KIF13A: variants seen among roughly 807,000 people sequenced by gnomAD.
KIF13A encodes kinesin-like protein KIF13A.
In KIF13A, 79 loss-of-function variants were observed where a neutral mutation model predicts 212.2. The observed-to-expected ratio is 0.37, with a 90% CI of 0.31 to 0.45. KIF13A has a LOEUF of 0.45. Among genes scored for constraint, KIF13A ranks in the 20% least tolerant of loss-of-function variants. The pLI is 1.00. For missense variants in KIF13A, 1,901 were observed against 2,209.0 expected, an observed-to-expected ratio of 0.86 and a Z score of 2.79; for synonymous variants, 789 against 808.6, an observed-to-expected ratio of 0.98 and a Z score of 0.41.
intron 3 of KIF13A, among the ~76,000 whole-genome samples, chr6:17,874,298 T>G (rs1317807723): frequency 1.3e-5 from 2 of 149,220 alleles, no homozygotes; most frequent in Admixed American, 6.7e-5. Flanking sequence ...TTGGTGGTGG[T>G]GGGGGGGGTT....
At chr6:17,925,665 T>C (rs1455695430) in intron 2 of KIF13A, among the ~76,000 whole-genome samples, 1 of 152,180 alleles carries the variant, frequency 6.6e-6, no homozygotes, top group South Asian at 2.1e-4. Context: ...TAATCAACAG[T>C]ATGTGCTTCA....
Position 17,785,754 on chromosome 6 carries a change from A to G in KIF13A, c.3362-113T>C, listed in dbSNP as rs1761006269. The G allele has an allele frequency of 8.9e-7, 1 of 1,118,752 alleles. No individual in the cohort carries two copies. The highest frequency in any genetic ancestry group is 2.3e-5 in the Admixed American group (1 of 42,952). 69.3% of individuals were successfully genotyped at this position (1,118,752 alleles called of 1,614,324 possible). ...ATAGTGAGACCCCATCTCTACCAAA[A>G]AAAAAAAAATAGTTGGGCAGGGTGG... On this transcript the variant is annotated intron_variant, in intron 27 of 38. Coordinates refer to ENST00000259711, the MANE Select transcript of KIF13A (RefSeq NM_022113.6). The surrounding 1 kb of genome is among the most constrained non-coding windows in gnomAD (Gnocchi z 5.8).
intron 3 of KIF13A, among the ~76,000 whole-genome samples, chr6:17,882,983 T>C (rs1014740437): frequency 1.3e-5 from 2 of 152,258 alleles, no homozygotes; most frequent in African/African-American, 2.4e-5. Context: ...CCCTTTGTTC[T>C]GCTACAATAT....
chr6:17,788,394 A>G (rs1387942641), intron 26 of KIF13A, among the ~76,000 whole-genome samples: 2 of 152,178 alleles, frequency 1.3e-5, no homozygotes, highest in African/African-American at 4.8e-5. Context: ...TCCAACCACC[A>G]CGAGGCTAAG....
intron 2 of KIF13A, among the ~76,000 whole-genome samples, chr6:17,906,556 C>A (rs956890493): frequency 6.6e-6 from 1 of 151,470 alleles, no homozygotes; most frequent in Admixed American, 6.6e-5. Context: ...TCAAGAGATC[C>A]TCCCATCTCA....
intron 2 of KIF13A, among the ~76,000 whole-genome samples, chr6:17,978,237 CAA>C (rs1163115310): frequency 2.0e-5 from 3 of 152,206 alleles, no homozygotes; most frequent in Non-Finnish European, 4.4e-5. Flanking sequence ...TAAAATTTTA[CAA>C]AGAGATGTGA....
intron 11 of KIF13A, among the ~76,000 whole-genome samples, chr6:17,835,171 G>C (rs1319797863): frequency 8.3e-6 from 1 of 120,918 alleles, no homozygotes; most frequent in Non-Finnish European, 1.6e-5. Flanking sequence ...GGGCAACAGA[G>C]AGACTCTGTC....
Position 17,834,048 on chromosome 6 carries a change from C to T in KIF13A, c.1179G>A (p.Lys393=). Reference sequence around the variant, plus strand: ...GCTTTTCAGACTCTTCGAGCTTCTCCTTCAGTTCAGGGGCCTTCATGGCCT... The same window carrying T: ...GCTTTTCAGACTCTTCGAGCTTCTCTTTCAGTTCAGGGGCCTTCATGGCCT... ...QAEAMKAPEL[K]EKLEESEKLI... is the part of the protein sequence containing the mutation. The change falls in exon 12 of 39, where the codon AAG becomes AAA. Residue 393 remains lysine, a synonymous_variant. Transcript: ENST00000259711. The surrounding 1 kb of genome is among the most constrained non-coding windows in gnomAD (Gnocchi z 4.0). The T allele has an allele frequency of 2.5e-6, 4 of 1,595,474 alleles. No homozygotes were observed. The highest frequency in any genetic ancestry group is 3.4e-6 in the Non-Finnish European group (4 of 1,175,950).
At position 17,789,983 on chromosome 6, in the gene KIF13A, A is replaced by G; in HGVS notation, c.3223-73T>C. The stretch of plus-strand genomic sequence containing the variant: ...CCACATACAGGGAAAATAATTATTT[A>G]AGCTTAACACACATTAAAATGGACA... On this transcript the variant is annotated intron_variant, in intron 25 of 38. Transcript: ENST00000259711. The surrounding 1 kb of genome is among the most constrained non-coding windows in gnomAD (Gnocchi z 4.8). The G allele has an allele frequency of 8.3e-7, 1 of 1,201,316 alleles. No individual in the cohort carries two copies. Among genetic ancestry groups the G allele is most frequent in the Non-Finnish European group, 1.2e-6 (1 of 815,590 alleles). The allele number at this position is 1,201,316 out of a possible 1,614,324, so 74.4% of individuals were successfully genotyped here.
intron 2 of KIF13A, among the ~76,000 whole-genome samples, chr6:17,936,696 C>T (rs1776498064): frequency 1.3e-5 from 2 of 152,052 alleles, no homozygotes. Context: ...GACAAGTTAA[C>T]AAACATCATA....
rs750628331 is a variant in KIF13A at position 17,837,036 on chromosome 6, C to A, written c.997G>T (p.Ala333Ser). 6.2e-7 allele frequency: 1 copy of A among 1,613,954 alleles called. No individual in the cohort carries two copies. The highest frequency in any genetic ancestry group is 8.5e-7 in the Non-Finnish European group (1 of 1,179,872). ...GAGAGGGTCTCTTCATAGTTGTCTG[C>A]GGCTGGGCTGATTGTGGCTATCATA... The part of the protein sequence containing the change: ...TSMIATISPA[A>S]DNYEETLSTL... Residue 333 changes from alanine (A) to serine (S), a missense_variant, in exon 11 of 39, where the codon GCA becomes TCA. Around this residue, in one of 5 missense-constraint regions of KIF13A, gnomAD observed 506 missense variants for 637.4 expected, o/e 0.79. Transcript: ENST00000259711. This position sits in a 1 kb window ranked among gnomAD's most constrained non-coding sequence, Gnocchi z 5.4.
At position 17,763,714 on chromosome 6, in the gene KIF13A, T is replaced by C; in HGVS notation, c.*396A>G. ...CAACTGTTGATATGACAGAGTTTAA[T>C]TGGCAGTATTTTTTCTTAATGATAC... is the stretch of plus-strand genomic sequence containing the variant. On this transcript the variant is annotated 3_prime_UTR_variant, in exon 39 of 39. Coordinates refer to ENST00000259711, the MANE Select transcript of KIF13A (RefSeq NM_022113.6). The C allele has an allele frequency of 1.4e-5, 6 of 419,048 alleles. No homozygotes were observed. The highest frequency in any genetic ancestry group is 1.2e-4 in the East Asian group (1 of 8,196). 26.0% of individuals were successfully genotyped at this position (419,048 alleles called of 1,614,324 possible).
In KIF13A at chr6:17,778,974, G is replaced by A. The variant is rs369796438; in HGVS notation, c.4065C>T (p.Asn1355=). Reference sequence around the variant, plus strand: ...GCCGGAGCCGTTCAAGACTCAGAATGTTTTCCACCTGCAGCACGCCTCGAG... The same window carrying A: ...GCCGGAGCCGTTCAAGACTCAGAATATTTTCCACCTGCAGCACGCCTCGAG... ...KYTRGVLQVE[N]ILSLERLRQA... is the part of the protein sequence containing the mutation. The change falls in exon 33 of 39, where the codon AAC becomes AAT. Residue 1355 remains asparagine, a synonymous_variant. Coordinates refer to ENST00000259711, the MANE Select transcript of KIF13A (RefSeq NM_022113.6). 83 of 1,606,466 alleles carry A rather than the reference G, an allele frequency of 5.2e-5. No homozygotes were observed. The African/African-American group carries it at 1.1e-3, about 21-fold the overall frequency.
At chr6:17,847,892 A>C (rs767936505) in intron 9 of KIF13A, among the ~76,000 whole-genome samples, 43 of 152,044 alleles carry the variant, frequency 2.8e-4, no homozygotes, top group Non-Finnish European at 4.6e-4. Flanking sequence ...GCTCACCGCA[A>C]CCTCTGTCTC....
At position 17,768,029 on chromosome 6, in the gene KIF13A, G is replaced by C. The variant is rs1375358218; in HGVS notation, c.4582-3083C>G. 6.6e-6 allele frequency among the ~76,000 whole-genome samples: 1 copy of C among 152,148 alleles called. No individual in the cohort carries two copies. The highest frequency in any genetic ancestry group is 1.5e-5 in the Non-Finnish European group (1 of 68,018). On this transcript the variant is annotated intron_variant, in intron 38 of 38. Transcript: ENST00000259711. This position sits in a 1 kb window ranked among gnomAD's most constrained non-coding sequence, Gnocchi z 5.4. ...AAAACAGTAGGGACAGCTTATTCCAGAAAAAGGAAAACTTAGTAGAGATTA... is the reference window on the plus strand; with the variant it reads ...AAAACAGTAGGGACAGCTTATTCCACAAAAAGGAAAACTTAGTAGAGATTA...
At chr6:17,858,646 A>G (rs1768394224) in intron 4 of KIF13A, among the ~76,000 whole-genome samples, 1 of 152,188 alleles carries the variant, frequency 6.6e-6, no homozygotes, top group African/African-American at 2.4e-5. Flanking sequence ...CCAGAATTAA[A>G]TCCAGCCTGT....
Position 17,897,977 on chromosome 6 carries a change from G to A in KIF13A, c.159+191C>T, listed in dbSNP as rs1772713139. The stretch of plus-strand genomic sequence containing the variant: ...TGAGAATGAAATAATATGTGAAAGT[G>A]CTCTGTCAATGTAGAGTGACACTCT... On this transcript the variant is annotated intron_variant, in intron 3 of 38. Transcript: ENST00000259711. This position sits in a 1 kb window ranked among gnomAD's most constrained non-coding sequence, Gnocchi z 4.8. Among the ~76,000 whole-genome samples, 1 of 152,202 alleles carries A rather than the reference G, an allele frequency of 6.6e-6. No individual in the cohort carries two copies. Among genetic ancestry groups the A allele is most frequent in the South Asian group, 2.1e-4 (1 of 4,832 alleles).
At chr6:17,841,948 T>TAC (rs56160237) in intron 9 of KIF13A, among the ~76,000 whole-genome samples, 14 of 150,878 alleles carry the variant, frequency 9.3e-5, no homozygotes, top group Admixed American at 1.3e-4. Flanking sequence ...TGTGTCTACA[T>TAC]ACACACACAC....
In KIF13A at chr6:17,961,870, G is replaced by C. The variant is rs1349972148; in HGVS notation, c.146+25184C>G. On this transcript the variant is annotated intron_variant, in intron 2 of 38. Transcript: ENST00000259711. This position sits in a 1 kb window ranked among gnomAD's most constrained non-coding sequence, Gnocchi z 4.1. ...GTTCCTCTGTATTCTAGGGTGCTTA[G>C]TGTTTGGTTGGCAACATTGTCTATT... Among the ~76,000 whole-genome samples, 1 of 152,156 alleles carries C rather than the reference G, an allele frequency of 6.6e-6. No individual in the cohort carries two copies. The highest frequency in any genetic ancestry group is 6.5e-5 in the Admixed American group (1 of 15,274).
Sources: gnomAD v4.1 joint callset for allele counts (sites outside exome capture counted in the v4.1 genomes callset) on GRCh38, gnomAD v4.1.1 for gene constraint, gnomAD v4.1.1 regional missense constraint, Gnocchi (gnomAD v3.1) non-coding constraint, MANE v1.5 for transcripts, NCBI Gene and HGNC (gene_info 2026-07-23, HGNC 2026-07-21) for gene names.